The following GPRC5D variants were observed in gnomAD, a reference collection of about 807,000 sequenced individuals.
GPRC5D encodes G protein-coupled receptor family C group 5 member D.
GPRC5D carries 20 observed loss-of-function variants against 29.3 expected under a neutral mutation model. The ratio of observed to expected loss-of-function variants is 0.68; its 90% CI spans 0.48 to 0.99. The LOEUF is 0.99. GPRC5D is among the 50% of genes least tolerant of loss of function. The pLI is 0.00. For missense variants in GPRC5D, 384 were observed against 423.6 expected (o/e 0.91, Z 0.82); for synonymous variants, 178 against 171.3 (o/e 1.04, Z -0.30).
chr12:12,947,701 G>A (rs888535884), intron 1 of GPRC5D, among the ~76,000 whole-genome samples: 1 of 152,120 alleles, frequency 6.6e-6, no homozygotes, highest in Non-Finnish European at 1.5e-5. Flanking sequence ...AGTAGCTGGG[G>A]CCACAGGCCT....
chr12:12,944,864 T>C (rs1863259885), intron 1 of GPRC5D, among the ~76,000 whole-genome samples: 1 of 103,888 alleles, frequency 9.6e-6, no homozygotes, highest in African/African-American at 3.2e-5. Context: ...TTTCTTTCTT[T>C]CTTTCTTTCT....
chr12:12,950,001 T>C, exon 1 of GPRC5D: 1 of 1,614,134 alleles, frequency 6.2e-7, no homozygotes, highest in Non-Finnish European at 8.5e-7. Flanking sequence ...TGCACAGAAT[T>C]GTCGTCCAGG....
chr12:12,951,541 T>C (rs1314316167), upstream of GPRC5D, among the ~76,000 whole-genome samples: 2 of 152,262 alleles, frequency 1.3e-5, no homozygotes, highest in Non-Finnish European at 2.9e-5. Context: ...TGGGAAAAGC[T>C]GAACAGGCTT....
In GPRC5D at chr12:12,944,855, T is replaced by TTC. The variant is rs1401560165; in HGVS notation, c.896-2529_896-2528dup. ...CTTCCTTCCTTCCTTCCTTCCTTCT[T>TTC]TCTTTCTTTCTTTCTTTCTTTCTTT... On this transcript the variant is annotated intron_variant, in intron 1 of 2. Coordinates refer to ENST00000228887, the Ensembl canonical transcript of GPRC5D. Among the ~76,000 whole-genome samples, 53 of 79,004 alleles carry TTC rather than the reference T, an allele frequency of 6.7e-4. 5 individuals are homozygous for TTC. Among genetic ancestry groups the TTC allele is most frequent in the South Asian group, 1.2e-3 (2 of 1,702 alleles). 51.8% of individuals were successfully genotyped at this position (79,004 alleles called of 152,430 possible).
chr12:12,942,617 C>G (rs1863182623), intron 1 of GPRC5D, among the ~76,000 whole-genome samples: 1 of 152,150 alleles, frequency 6.6e-6, no homozygotes, highest in Non-Finnish European at 1.5e-5. Flanking sequence ...CACCTGTAAT[C>G]CCAGCTACTT....
At chr12:12,944,867 TTC>T (rs376656482) in intron 1 of GPRC5D, among the ~76,000 whole-genome samples, 2 of 99,272 alleles carry the variant, frequency 2.0e-5, no homozygotes, top group African/African-American at 3.4e-5. Context: ...CTTTCTTTCT[TTC>T]TTTCTTTCTT....
intron 1 of GPRC5D, among the ~76,000 whole-genome samples, chr12:12,947,846 C>G (rs929840938): frequency 3.9e-5 from 6 of 152,198 alleles, no homozygotes; most frequent in African/African-American, 1.4e-4. Flanking sequence ...GTGTGAGCCA[C>G]AGAGCCCAGC....
intron 1 of GPRC5D, among the ~76,000 whole-genome samples, chr12:12,945,357 A>G (rs1004465650): frequency 2.0e-5 from 3 of 152,174 alleles, no homozygotes; most frequent in African/African-American, 7.2e-5. Flanking sequence ...ATATAACAAT[A>G]TTCCTGTTAG....
chr12:12,949,055 A>G (rs1369199079), intron 1 of GPRC5D, among the ~76,000 whole-genome samples: 1 of 152,210 alleles, frequency 6.6e-6, no homozygotes, highest in African/African-American at 2.4e-5. Context: ...TTTGAGACAA[A>G]TTTTTAAAAT....
At position 12,948,842 on chromosome 12, in the gene GPRC5D, T is replaced by G. The variant is rs150559884; in HGVS notation, c.895+648A>C. On this transcript the variant is annotated intron_variant, in intron 1 of 2. Transcript: ENST00000228887. ...GAAAATGTCACATAAGCAAGTTACTTTCTTTCTCCTAATGATCACACATCT... is the reference window on the plus strand; with the variant it reads ...GAAAATGTCACATAAGCAAGTTACTGTCTTTCTCCTAATGATCACACATCT... 1.5e-3 allele frequency among the ~76,000 whole-genome samples: 229 copies of G among 152,352 alleles called. 2 individuals carry two copies. The highest frequency in any genetic ancestry group is 5.2e-3 in the African/African-American group (217 of 41,574).
At chr12:12,945,341 A>G (rs1214100346) in intron 1 of GPRC5D, among the ~76,000 whole-genome samples, 1 of 152,130 alleles carries the variant, frequency 6.6e-6, no homozygotes, top group Middle Eastern at 3.2e-3. Context: ...AGTGTTAGCA[A>G]ATATGATATA....
chr12:12,950,221 C>A (rs1706735034), exon 1 of GPRC5D: 1 of 1,614,064 alleles, frequency 6.2e-7, no homozygotes, highest in Admixed American at 1.7e-5. Context: ...ATTCCACTGG[C>A]TGCAGTCTTG....
rs773185845 is a variant in GPRC5D, at chr12:12,942,379, A to C, written c.896-51T>G. ...GGGTTAGTGTCCGAGAGTCAATCGG[A>C]AACAGCACATGAGGACTACAGGAAA... On this transcript the variant is annotated intron_variant, in intron 1 of 2. Coordinates refer to ENST00000228887, the Ensembl canonical transcript of GPRC5D. 7.8e-6 allele frequency: 9 copies of C among 1,148,942 alleles called. 1 individual carries two copies. The South Asian group carries it at 1.1e-4, about 14-fold the overall frequency. The allele number at this position is 1,148,942 out of a possible 1,614,324, so 71.2% of individuals were successfully genotyped here.
In GPRC5D at chr12:12,950,172, C is replaced by T. The variant is rs754373927; in HGVS notation, c.213G>A (p.Leu71=). ...AGGCAAAAGCGAGTCCGAAGAGCCCCAGGACACTCAGGAGGAAGAGGAGCT... is the reference window on the plus strand; with the variant it reads ...AGGCAAAAGCGAGTCCGAAGAGCCCTAGGACACTCAGGAGGAAGAGGAGCT... The change falls in exon 1 of 3, where the codon CTG becomes CTA. Residue 71 remains leucine, a synonymous_variant. Coordinates refer to ENST00000228887, the Ensembl canonical transcript of GPRC5D. The T allele has an allele frequency of 3.7e-6, 6 of 1,613,872 alleles. No homozygotes were observed. In the Admixed American group the frequency reaches 6.7e-5, roughly 18 times the overall value.
intron 1 of GPRC5D, among the ~76,000 whole-genome samples, chr12:12,945,487 A>G (rs1451093973): frequency 6.6e-6 from 1 of 152,190 alleles, no homozygotes; most frequent in African/African-American, 2.4e-5. Flanking sequence ...CAATTAAAAG[A>G]CCTACTGATT....
intron 2 of GPRC5D, among the ~76,000 whole-genome samples, chr12:12,941,504 C>G (rs1410423816): frequency 6.6e-6 from 1 of 152,148 alleles, no homozygotes; most frequent in Non-Finnish European, 1.5e-5. Context: ...AAGGCAAATT[C>G]TCAGATAACA....
At chr12:12,948,136 GTGAAACTC>G (rs1863401691) in intron 1 of GPRC5D, 2 of 152,006 alleles carry the variant, frequency 1.3e-5, no homozygotes, top group Non-Finnish European at 2.9e-5. Context: ...TTGGTTTATT[GTGAAACTC>G]TAAGAATTTT....
intron 1 of GPRC5D, among the ~76,000 whole-genome samples, chr12:12,943,919 G>C (rs1415005049): frequency 6.6e-6 from 1 of 152,178 alleles, no homozygotes; most frequent in Non-Finnish European, 1.5e-5. Context: ...TCCGAGTTGA[G>C]TAAGACCTTC....
intron 1 of GPRC5D, among the ~76,000 whole-genome samples, chr12:12,946,267 T>TCTTC (rs1322377084): frequency 4.3e-5 from 4 of 93,780 alleles, no homozygotes; most frequent in African/African-American, 1.6e-4. Context: ...TTCTTTCCTT[T>TCTTC]CTTCCTTCCT....
Sources: gnomAD v4.1 joint callset for allele counts (sites outside exome capture counted in the v4.1 genomes callset) on GRCh38, gnomAD v4.1.1 for gene constraint, MANE v1.5 for transcripts, NCBI Gene and HGNC (gene_info 2026-07-23, HGNC 2026-07-21) for gene names.